CLIP1: variants seen among roughly 807,000 people sequenced by gnomAD.
CLIP1 encodes CAP-Gly domain containing linker protein 1, also known as CAP-Gly domain-containing linker protein 1.
A neutral mutation model predicts 161.6 loss-of-function variants in CLIP1; 66 were observed. The observed-to-expected ratio is 0.41, with a 90% confidence interval of 0.33 to 0.50. CLIP1 has a LOEUF of 0.50. Ranked by LOEUF, CLIP1 falls within the 20% of genes least tolerant of loss-of-function variation. The pLI, the probability that CLIP1 is intolerant of heterozygous loss-of-function variation, is 0.27. For missense variants in CLIP1, 1,376 were observed against 1,702.0 expected, an observed-to-expected ratio of 0.81 and a Z score of 3.37; for synonymous variants, 598 against 626.2, an observed-to-expected ratio of 0.96 and a Z score of 0.67.
At chr12:122,386,007 C>T (rs910719322) in intron 1 of CLIP1, among the ~76,000 whole-genome samples, 2 of 152,048 alleles carry the variant, frequency 1.3e-5, no homozygotes, top group African/African-American at 4.8e-5. Flanking sequence ...TGGGCTCGGC[C>T]GGGAGCACTG....
At chr12:122,364,494 C>T (rs1392686403) in intron 3 of CLIP1, among the ~76,000 whole-genome samples, 1 of 151,736 alleles carries the variant, frequency 6.6e-6, no homozygotes, top group Non-Finnish European at 1.5e-5. Context: ...ACCTTGACCT[C>T]CCGGGCTAGG....
In CLIP1 at chr12:122,334,091, G is replaced by A. The variant is rs757341269; in HGVS notation, c.2646C>T (p.His882=). The change falls in exon 14 of 26, where the codon CAC becomes CAT. Residue 882 remains histidine, a synonymous_variant. Transcript: ENST00000620786. ...GCATGTTAAACTGTTCCTCCTTTTG[G>A]TGTAACTTATTTACAGTTTCTATTT... ...RSMQETVNKL[H]QKEEQFNMLS... is the part of the protein sequence containing the mutation. 4 of 1,610,652 alleles carry A rather than the reference G, an allele frequency of 2.5e-6. No homozygotes were observed. The highest frequency in any genetic ancestry group is 3.4e-6 in the Non-Finnish European group (4 of 1,177,160).
chr12:122,370,161 C>CA lies in CLIP1; in HGVS notation c.658-6055dup, dbSNP rs528180348. On this transcript the variant is annotated intron_variant, in intron 3 of 25. Transcript: ENST00000620786. ...CTGGGCAACAGAGCAAAACCTATCT[C>CA]AAAAAAAAAAAAAAAGAAGAAGAAG... 5.7e-3 allele frequency among the ~76,000 whole-genome samples: 626 copies of CA among 109,876 alleles called. 3 individuals carry two copies. The highest frequency in any genetic ancestry group is 0.046 in the South Asian group (151 of 3,306). The allele number at this position is 109,876 out of a possible 152,430, so 72.1% of individuals were successfully genotyped here. A position where few individuals can be genotyped will look rare whatever the true frequency, so the allele number is the denominator to read the frequency against.
intron 1 of CLIP1, among the ~76,000 whole-genome samples, chr12:122,417,190 G>T (rs1208204858): frequency 6.6e-6 from 1 of 151,796 alleles, no homozygotes; most frequent in East Asian, 2.0e-4. Flanking sequence ...CCAGCTACTT[G>T]GAGGCTGAGG....
At chr12:122,316,999 T>A in intron 18 of CLIP1, 144 bp from the exon 19 acceptor site, 2 of 584,362 alleles carry the variant, frequency 3.4e-6, no homozygotes. Context: ...GGTGAAGAGA[T>A]TACAGATGAC....
At chr12:122,278,047 A>G (rs1955502145) in intron 24 of CLIP1, 107 bp downstream of exon 24, 4 of 989,488 alleles carry the variant, frequency 4.0e-6, no homozygotes, top group Non-Finnish European at 6.2e-6. Context: ...TACCAATTCA[A>G]AAGACTAAAT....
At chr12:122,324,431 G>C (rs1366526345) in intron 17 of CLIP1, 1 of 152,150 alleles carries the variant, frequency 6.6e-6, no homozygotes, top group Admixed American at 6.6e-5. Context: ...AAATCAAGCA[G>C]ACAAATGCAA....
intron 15 of CLIP1, among the ~76,000 whole-genome samples, chr12:122,330,758 C>T (rs1951919125): frequency 6.8e-6 from 1 of 146,556 alleles, no homozygotes. Flanking sequence ...TGCCACCACG[C>T]TCAGCTCATT....
chr12:122,290,779 G>GT (rs1950215859), intron 20 of CLIP1, among the ~76,000 whole-genome samples: 2 of 151,844 alleles, frequency 1.3e-5, no homozygotes, highest in South Asian at 2.1e-4. Context: ...AGAAAACAAT[G>GT]TTTTTTCTTC....
chr12:122,378,433 C>G (rs772164161), intron 2 of CLIP1, among the ~76,000 whole-genome samples: 1 of 152,194 alleles, frequency 6.6e-6, no homozygotes, highest in South Asian at 2.1e-4. Flanking sequence ...AACAAGGAAG[C>G]CAAGAATAAC....
intron 24 of CLIP1, 192 bp downstream of exon 24, chr12:122,277,962 G>T: frequency 1.6e-6 from 1 of 614,452 alleles, no homozygotes. Flanking sequence ...GAGCAGAAGA[G>T]AGAGAAGGTT....
At chr12:122,344,631 A>G (rs1433914356) in intron 10 of CLIP1, among the ~76,000 whole-genome samples, 2 of 152,260 alleles carry the variant, frequency 1.3e-5, no homozygotes, top group Admixed American at 1.3e-4. Context: ...CCTATAAAGT[A>G]CAGCAATTTA....
In CLIP1 at chr12:122,341,045, G is replaced by A. The variant is rs1356590091; in HGVS notation, c.2159C>T (p.Ala720Val). ...LEAIRSKLDK[A>V]EDQHLVEMED... is the part of the protein sequence containing the mutation. ...CATTTCTACGAGATGCTGGTCTTCT[G>A]CTTTGTCCAGTTTCGACCTGATGGC... is the stretch of plus-strand genomic sequence containing the variant. Residue 720 changes from alanine to valine, a missense_variant, in exon 11 of 26, where the codon GCA becomes GTA. Ala to Val is a moderately conservative substitution (Grantham distance 64). Coordinates refer to ENST00000620786, the MANE Select transcript of CLIP1 (RefSeq NM_001247997.2). The A allele has an allele frequency of 1.2e-6, 2 of 1,614,020 alleles. No homozygotes were observed. The highest frequency in any genetic ancestry group is 1.7e-5 in the Admixed American group (1 of 59,990).
intron 10 of CLIP1, among the ~76,000 whole-genome samples, chr12:122,345,763 T>C (rs1266749954): frequency 6.6e-6 from 1 of 151,990 alleles, no homozygotes; most frequent in African/African-American, 2.4e-5. Context: ...ACTACATATC[T>C]TACATGTAAG....
intron 5 of CLIP1, among the ~76,000 whole-genome samples, chr12:122,358,021 G>A (rs1953570028): frequency 6.6e-6 from 1 of 152,242 alleles, no homozygotes; most frequent in Non-Finnish European, 1.5e-5. Flanking sequence ...GGAAAAGATT[G>A]AGAAATCGAA....
At chr12:122,413,745 G>A (rs1189743750) in intron 1 of CLIP1, among the ~76,000 whole-genome samples, 1 of 152,060 alleles carries the variant, frequency 6.6e-6, no homozygotes, top group African/African-American at 2.4e-5. Flanking sequence ...TCTTTTGAGA[G>A]ATTTTGAAAG....
chr12:122,410,405 A>T (rs10846825), intron 1 of CLIP1, among the ~76,000 whole-genome samples: 3 of 150,358 alleles, frequency 2.0e-5, no homozygotes, highest in African/African-American at 7.4e-5. Context: ...GTAAAGTTAT[A>T]TTTATTTATG....
At chr12:122,360,127 C>A (rs1311148387) in intron 5 of CLIP1, among the ~76,000 whole-genome samples, 1 of 152,138 alleles carries the variant, frequency 6.6e-6, no homozygotes, top group Non-Finnish European at 1.5e-5. Context: ...TATCCTCTTC[C>A]AGCTCCAAGA....
In CLIP1 at chr12:122,279,091, G is replaced by A; in HGVS notation, c.3702C>T (p.Ser1234=). Residue 1234 remains serine, a synonymous_variant, in exon 22 of 26, where the codon TCC becomes TCT. Coordinates refer to ENST00000620786, the MANE Select transcript of CLIP1 (RefSeq NM_001247997.2). The surrounding 1 kb of genome is among the most constrained non-coding windows in gnomAD (Gnocchi z 4.5). Reference sequence around the variant, plus strand: ...TGAGTAAGGCACTAGTTATACTGATGGATTTCTGCAAGGAAGCTTTCTCTT... The same window carrying A: ...TGAGTAAGGCACTAGTTATACTGATAGATTTCTGCAAGGAAGCTTTCTCTT... ...ADEEKASLQK[S]ISITSALLTE... The A allele has an allele frequency of 1.2e-6, 2 of 1,612,818 alleles. No individual in the cohort carries two copies. Among genetic ancestry groups the A allele is most frequent in the African/African-American group, 2.7e-5 (2 of 74,900 alleles).
Sources: allele counts gnomAD v4.1 joint callset (sites outside exome capture counted in the v4.1 genomes callset), GRCh38; gene constraint gnomAD v4.1.1; non-coding constraint Gnocchi (gnomAD v3.1); transcripts MANE v1.5; gene names NCBI Gene and HGNC (gene_info 2026-07-23, HGNC 2026-07-21).